Variants in CACNA2D1 observed in about 807,000 individuals in gnomAD.
CACNA2D1 encodes the protein voltage-dependent calcium channel subunit alpha-2/delta-1.
Under a neutral mutation model 171.5 loss-of-function variants are expected in CACNA2D1, and 53 were observed. That is an observed-to-expected ratio of 0.31 (90% CI 0.25 to 0.39). The LOEUF (loss-of-function observed/expected upper bound fraction) is 0.39, where lower values mean the gene tolerates loss of function less well. Among genes scored for constraint, CACNA2D1 ranks in the 10% least tolerant of loss-of-function variants. The pLI is 1.00. For missense variants in CACNA2D1, 903 were observed against 1,299.8 expected (o/e 0.69, Z 4.69); for synonymous variants, 442 against 443.1 (o/e 1.00, Z 0.03).
chr7:82,343,976 G>T (rs1818968316), intron 2 of CACNA2D1, among the ~76,000 whole-genome samples: 1 of 152,116 alleles, frequency 6.6e-6, no homozygotes, highest in Admixed American at 6.5e-5. Context: ...AAACTGATAT[G>T]TACCAATGCT....
At chr7:82,027,014 T>G (rs1802011578) in intron 12 of CACNA2D1, among the ~76,000 whole-genome samples, 1 of 151,550 alleles carries the variant, frequency 6.6e-6, no homozygotes, top group Non-Finnish European at 1.5e-5. Context: ...TAATTGAACT[T>G]CAGGAGATAG....
At chr7:82,255,617 T>A (rs2129322740) in intron 3 of CACNA2D1, among the ~76,000 whole-genome samples, 1 of 152,276 alleles carries the variant, frequency 6.6e-6, no homozygotes, top group Middle Eastern at 3.4e-3. Flanking sequence ...AAAAGAAAAT[T>A]GTTTTTGAGC....
chr7:82,068,576 A>C (rs1807946370), intron 7 of CACNA2D1, among the ~76,000 whole-genome samples: 1 of 151,918 alleles, frequency 6.6e-6, no homozygotes, highest in Non-Finnish European at 1.5e-5. Flanking sequence ...TACTGTAGAT[A>C]ATTTTTTATT....
At position 81,974,556 on chromosome 7, in the gene CACNA2D1, A is replaced by G. The variant is rs77200456; in HGVS notation, c.1956-4T>C. 6.7e-6 allele frequency: 9 copies of G among 1,348,514 alleles called. No homozygotes were observed. The highest frequency in any genetic ancestry group is 5.9e-5 in the South Asian group (5 of 84,224). The allele number at this position is 1,348,514 out of a possible 1,614,324, so 83.5% of individuals were successfully genotyped here. A position where few individuals can be genotyped will look rare whatever the true frequency, so the allele number is the denominator to read the frequency against. ...TTTCAGGTCATTGCAGTAATCTCTG[A>G]AAAAAAAACATTTTGAGATATTAGA... On this transcript the variant is annotated splice_polypyrimidine_tract_variant and splice_region_variant and intron_variant, in intron 24 of 38. Transcript: ENST00000356860.
intron 24 of CACNA2D1, among the ~76,000 whole-genome samples, chr7:81,980,874 G>A: frequency 6.6e-6 from 1 of 152,086 alleles, no homozygotes; most frequent in East Asian, 1.9e-4. Flanking sequence ...TCGTTTGGGA[G>A]GATGGCATTT....
At chr7:82,040,452 CAAAAA>C (rs34257660) in intron 10 of CACNA2D1, among the ~76,000 whole-genome samples, 12 of 106,494 alleles carry the variant, frequency 1.1e-4, no homozygotes, top group African/African-American at 3.3e-4. Context: ...ATAATTTATT[CAAAAA>C]AAAAAAAAAA....
intron 10 of CACNA2D1, among the ~76,000 whole-genome samples, chr7:82,050,064 C>T (rs918807039): frequency 6.6e-6 from 1 of 152,066 alleles, no homozygotes; most frequent in Non-Finnish European, 1.5e-5. Context: ...TCTAAAAAAG[C>T]CAACAAAACA....
At chr7:82,346,456 A>G (rs1819268401) in intron 2 of CACNA2D1, among the ~76,000 whole-genome samples, 1 of 152,190 alleles carries the variant, frequency 6.6e-6, no homozygotes, top group African/African-American at 2.4e-5. Context: ...CCAAGGTATA[A>G]TAGCCTTAGG....
intron 3 of CACNA2D1, among the ~76,000 whole-genome samples, chr7:82,225,792 C>T (rs1360130365): frequency 2.6e-5 from 4 of 152,094 alleles, no homozygotes; most frequent in African/African-American, 9.7e-5. Context: ...TGCTTCTGAT[C>T]CCTATTCTCT....
At chr7:82,175,141 C>G (rs536278827) in intron 3 of CACNA2D1, among the ~76,000 whole-genome samples, 1 of 151,592 alleles carries the variant, frequency 6.6e-6, no homozygotes, top group Admixed American at 6.6e-5. Flanking sequence ...ATAAAATTTG[C>G]TTTCTGAAAT....
At chr7:82,159,424 A>G (rs1794707848) in intron 4 of CACNA2D1, among the ~76,000 whole-genome samples, 1 of 151,900 alleles carries the variant, frequency 6.6e-6, no homozygotes, top group Non-Finnish European at 1.5e-5. Flanking sequence ...TCTCCTTTTA[A>G]TCTTCCCTAT....
At chr7:82,120,944 T>G (rs1374477598) in intron 5 of CACNA2D1, among the ~76,000 whole-genome samples, 1 of 152,138 alleles carries the variant, frequency 6.6e-6, no homozygotes, top group East Asian at 1.9e-4. Flanking sequence ...AGTATTACAT[T>G]ACTCTGTTAT....
At chr7:82,382,477 T>C (rs921901858) in intron 1 of CACNA2D1, among the ~76,000 whole-genome samples, 1 of 152,202 alleles carries the variant, frequency 6.6e-6, no homozygotes, top group Non-Finnish European at 1.5e-5. Flanking sequence ...CTGCACCTGC[T>C]CTTTTCAAGT....
intron 3 of CACNA2D1, among the ~76,000 whole-genome samples, chr7:82,332,564 A>AAGAAAGAAAGAAAGAAAGAAAGAGAG (rs200114409): frequency 9.8e-4 from 141 of 144,242 alleles, no homozygotes; most frequent in Non-Finnish European, 1.8e-3. Flanking sequence ...GAAAGAAAGA[A>AAGAAAGAAAGAAAGAAAGAAAGAGAG]AGAACGAACA....
At chr7:82,274,855 T>TATGAATGAATGAATGA (rs71522608) in intron 3 of CACNA2D1, among the ~76,000 whole-genome samples, 369 of 150,390 alleles carry the variant, frequency 2.5e-3, no homozygotes, top group African/African-American at 6.6e-3. Context: ...TACAGGTATT[T>TATGAATGAATGAATGA]ATGAATGAAT....
intron 1 of CACNA2D1, among the ~76,000 whole-genome samples, chr7:82,382,653 A>T (rs1265940540): frequency 6.6e-6 from 1 of 152,208 alleles, no homozygotes; most frequent in Non-Finnish European, 1.5e-5. Context: ...TTTATTTGTT[A>T]TTAGTTGTCT....
intron 1 of CACNA2D1, among the ~76,000 whole-genome samples, chr7:82,412,429 C>A (rs1427463108): frequency 6.6e-6 from 1 of 151,778 alleles, no homozygotes; most frequent in African/African-American, 2.4e-5. Flanking sequence ...ATTACAGGCA[C>A]GGGCCACTAG....
intron 4 of CACNA2D1, among the ~76,000 whole-genome samples, chr7:82,153,721 T>C (rs1370333728): frequency 1.3e-5 from 2 of 152,088 alleles, no homozygotes; most frequent in African/African-American, 2.4e-5. Flanking sequence ...GGATTATGTA[T>C]AGGGATAAAG....
intron 10 of CACNA2D1, among the ~76,000 whole-genome samples, chr7:82,057,500 TAA>T (rs1253788902): frequency 6.6e-6 from 1 of 152,056 alleles, no homozygotes; most frequent in Admixed American, 6.6e-5. Flanking sequence ...AGAAAGAATT[TAA>T]CTAAACCTAA....
Sources: gnomAD v4.1 joint callset for allele counts (sites outside exome capture counted in the v4.1 genomes callset) on GRCh38, gnomAD v4.1.1 for gene constraint, MANE v1.5 for transcripts, NCBI Gene and HGNC (gene_info 2026-07-23, HGNC 2026-07-21) for gene names.